The following HMGA2 variants were observed in gnomAD, a reference collection of about 807,000 sequenced individuals.
The protein encoded by HMGA2 is high mobility group protein HMGI-C.
A neutral mutation model predicts 19.1 loss-of-function variants in HMGA2; 8 were observed. The ratio of observed to expected loss-of-function variants is 0.42; its 90% CI spans 0.25 to 0.76. The LOEUF is 0.76. HMGA2 is among the 30% of genes least tolerant of loss of function. HMGA2 has a pLI of 0.28. For missense variants in HMGA2, 109 were observed against 136.3 expected, an observed-to-expected ratio of 0.80 and a Z score of 1.00; for synonymous variants, 60 against 48.8, an observed-to-expected ratio of 1.23 and a Z score of -0.96.
chr12:65,837,155 T>A (rs2120866970), intron 2 of HMGA2, among the ~76,000 whole-genome samples: 1 of 152,278 alleles, frequency 6.6e-6, no homozygotes, highest in Non-Finnish European at 1.5e-5. Context: ...GACAATCGAG[T>A]GCCTGGGATA....
At chr12:65,943,468 C>T (rs1035046946) in intron 3 of HMGA2, among the ~76,000 whole-genome samples, 12 of 152,208 alleles carry the variant, frequency 7.9e-5, no homozygotes, top group Non-Finnish European at 1.3e-4. Context: ...ACTAGAGCAG[C>T]TTGTGGCTAT....
chr12:65,867,819 C>G (rs1448715590), intron 3 of HMGA2: 5 of 166,152 alleles, frequency 3.0e-5, no homozygotes, highest in African/African-American at 7.1e-5. Context: ...TAAGAACGTG[C>G]CTTTTCTTTC....
rs565963494 is a variant in HMGA2 at position 65,883,535 on chromosome 12, T to C, written c.249+44966T>C. Reference sequence around the variant, plus strand: ...AATAACTTGTTCAAGATCACTCAGCTAATAAATGCTCCTATGCACTTAGTC... The same window carrying C: ...AATAACTTGTTCAAGATCACTCAGCCAATAAATGCTCCTATGCACTTAGTC... On this transcript the variant is annotated intron_variant, in intron 3 of 4. Transcript: ENST00000403681. Among the ~76,000 whole-genome samples, 7 of 152,236 alleles carry C rather than the reference T, an allele frequency of 4.6e-5. No homozygotes were observed. The South Asian group carries it at 1.4e-3, about 32-fold the overall frequency.
intron 3 of HMGA2, among the ~76,000 whole-genome samples, chr12:65,898,334 A>G (rs1422879489): frequency 6.6e-6 from 1 of 151,782 alleles, no homozygotes; most frequent in Admixed American, 6.6e-5. Flanking sequence ...GCTTTTTGTT[A>G]TCATCTGTTC....
intron 3 of HMGA2, among the ~76,000 whole-genome samples, chr12:65,885,767 TAAGAA>T (rs1873631450): frequency 6.6e-6 from 1 of 152,228 alleles, no homozygotes; most frequent in Non-Finnish European, 1.5e-5. Flanking sequence ...ACAACAATGA[TAAGAA>T]AAGATTTTTA....
intron 3 of HMGA2, among the ~76,000 whole-genome samples, chr12:65,891,508 G>T (rs938286147): frequency 5.9e-5 from 9 of 152,234 alleles, no homozygotes; most frequent in African/African-American, 2.2e-4. Flanking sequence ...GGTCATGGCT[G>T]TGGAAGATTG....
rs757642604 is a variant in HMGA2 at position 65,825,005 on chromosome 12, C to G, written c.-266C>G. ...CCACCGCCACCTCCACCTCCGGCAC[C>G]CACCCACCGCCGCCGCCGCCACCGG... On this transcript the variant is annotated 5_prime_UTR_variant, in exon 1 of 5. Transcript: ENST00000403681. The surrounding 1 kb of genome is among the most constrained non-coding windows in gnomAD (Gnocchi z 4.4). 1 of 423,338 alleles carries G rather than the reference C, an allele frequency of 2.4e-6. No homozygotes were observed. The highest frequency in any genetic ancestry group is 3.9e-5 in the South Asian group (1 of 25,806). 26.2% of individuals were successfully genotyped at this position (423,338 alleles called of 1,614,324 possible). A position where few individuals can be genotyped will look rare whatever the true frequency, so the allele number is the denominator to read the frequency against.
At chr12:65,877,208 G>C (rs542839392) in intron 3 of HMGA2, 1 of 152,252 alleles carries the variant, frequency 6.6e-6, no homozygotes, top group Non-Finnish European at 1.5e-5. Context: ...AAAGCTAAGG[G>C]GGTGGAATGT....
intron 4 of HMGA2, among the ~76,000 whole-genome samples, chr12:65,962,578 G>C (rs890961593): frequency 3.5e-4 from 54 of 152,130 alleles, no homozygotes; most frequent in Non-Finnish European, 2.2e-4. Context: ...GGGAAGGCTC[G>C]TTGTCAGCTC....
intron 3 of HMGA2, among the ~76,000 whole-genome samples, chr12:65,871,215 A>G (rs948205165): frequency 1.4e-4 from 21 of 152,208 alleles, no homozygotes; most frequent in South Asian, 4.1e-4. Context: ...TTTATTATGT[A>G]AGATTCAAAT....
chr12:65,914,593 T>C (rs975809213), intron 3 of HMGA2: 2 of 246,146 alleles, frequency 8.1e-6, no homozygotes, highest in East Asian at 1.9e-4. Flanking sequence ...TGTATACATA[T>C]GTAACTAACC....
intron 3 of HMGA2, chr12:65,867,743 A>G (rs1210973344): frequency 4.1e-6 from 1 of 243,586 alleles, no homozygotes; most frequent in African/African-American, 2.2e-5. Context: ...AGTGAGGAAA[A>G]GATCTGAATT....
chr12:65,900,201 G>A (rs1874314480), intron 3 of HMGA2, among the ~76,000 whole-genome samples: 1 of 152,136 alleles, frequency 6.6e-6, no homozygotes, highest in South Asian at 2.1e-4. Flanking sequence ...TTCAGTCATA[G>A]CTACATCTCT....
At chr12:65,874,001 A>G (rs908274484) in intron 3 of HMGA2, 3 of 152,224 alleles carry the variant, frequency 2.0e-5, no homozygotes, top group Non-Finnish European at 4.4e-5. Flanking sequence ...TTATCTCTCT[A>G]TAGCCTACTA....
At chr12:65,828,979 C>T (rs999766906) in intron 2 of HMGA2, 2 of 152,210 alleles carry the variant, frequency 1.3e-5, no homozygotes, top group South Asian at 4.1e-4. Flanking sequence ...AAAAAAGTTT[C>T]TGCGTTGTAT....
chr12:65,881,685 G>GGA, intron 3 of HMGA2: 1 of 698,708 alleles, frequency 1.4e-6, no homozygotes, highest in Non-Finnish European at 2.6e-6. Context: ...TATGAGAGGA[G>GGA]GAGAGAAATT....
At chr12:65,918,379 T>C (rs918114719) in intron 3 of HMGA2, among the ~76,000 whole-genome samples, 1 of 152,194 alleles carries the variant, frequency 6.6e-6, no homozygotes, top group Non-Finnish European at 1.5e-5. Context: ...AGGGGAGATG[T>C]GCACATAGGA....
chr12:65,849,734 G>GTTTTT (rs1309933646), intron 3 of HMGA2, among the ~76,000 whole-genome samples: 7 of 102,030 alleles, frequency 6.9e-5, no homozygotes, highest in African/African-American at 4.2e-4. Context: ...GGTAGGCTCT[G>GTTTTT]TATTTTTTTT....
intron 3 of HMGA2, chr12:65,842,068 G>C: frequency 1.6e-6 from 2 of 1,277,986 alleles, no homozygotes; most frequent in Non-Finnish European, 1.0e-6. Flanking sequence ...ATTTTCATGT[G>C]TGTGCGTGTG....
Sources: gnomAD v4.1 joint callset for allele counts (sites outside exome capture counted in the v4.1 genomes callset) on GRCh38, gnomAD v4.1.1 for gene constraint, Gnocchi (gnomAD v3.1) non-coding constraint, MANE v1.5 for transcripts, NCBI Gene and HGNC (gene_info 2026-07-23, HGNC 2026-07-21) for gene names.